The following TEX2 variants were observed in gnomAD, a reference collection of about 807,000 sequenced individuals.
The protein encoded by TEX2 is testis expressed 2.
A neutral mutation model predicts 106.9 loss-of-function variants in TEX2; 53 were observed. The ratio of observed to expected loss-of-function variants is 0.50; its 90% CI spans 0.40 to 0.62. TEX2 has a LOEUF of 0.62. TEX2 is among the 20% of genes least tolerant of loss of function. The probability of loss-of-function intolerance (pLI) is 0.00; values close to 1 mark genes in which losing one functional copy is unlikely to be tolerated. For synonymous variants in TEX2, 523 were observed against 534.8 expected, an observed-to-expected ratio of 0.98 and a Z score of 0.30; for missense variants, 1,207 against 1,379.0, an observed-to-expected ratio of 0.88 and a Z score of 1.98.
At chr17:64,255,144 C>T (rs2034161693) in intron 1 of TEX2, among the ~76,000 whole-genome samples, 1 of 150,184 alleles carries the variant, frequency 6.7e-6, no homozygotes, top group Non-Finnish European at 1.5e-5. Context: ...GGATTGCAGA[C>T]ATAAGCCACA....
At chr17:64,184,452 C>T (rs1009132442) in intron 5 of TEX2, among the ~76,000 whole-genome samples, 2 of 152,130 alleles carry the variant, frequency 1.3e-5, no homozygotes, top group Non-Finnish European at 2.9e-5. Context: ...TGTAAGAGTC[C>T]TTTATACATT....
chr17:64,205,283 C>G lies in TEX2; in HGVS notation c.1644+7291G>C, dbSNP rs2032795267. On this transcript the variant is annotated intron_variant, in intron 2 of 11. Transcript: ENST00000584379. The surrounding 1 kb of genome is among the most constrained non-coding windows in gnomAD (Gnocchi z 4.0). ...AGTGAGCCAAGATTGTGCCACTGCA[C>G]TCTAGCCTGAGCGACAGAGCGAGGC... 6.6e-6 allele frequency among the ~76,000 whole-genome samples: 1 copy of G among 152,168 alleles called. No individual in the cohort carries two copies. Among genetic ancestry groups the G allele is most frequent in the Admixed American group, 6.5e-5 (1 of 15,280 alleles).
chr17:64,245,714 C>T (rs1555636203), intron 1 of TEX2, among the ~76,000 whole-genome samples: 1 of 152,104 alleles, frequency 6.6e-6, no homozygotes. Context: ...TTGGAATATA[C>T]TGCATATTTT....
intron 1 of TEX2, among the ~76,000 whole-genome samples, chr17:64,247,839 T>G (rs2034019411): frequency 6.6e-6 from 1 of 152,140 alleles, no homozygotes; most frequent in African/African-American, 2.4e-5. Context: ...ATCCTCAAGA[T>G]TTTGCACTTG....
intron 1 of TEX2, 99 bp downstream of exon 1, chr17:64,263,069 C>G (rs1217462255): frequency 6.6e-6 from 1 of 152,304 alleles, no homozygotes; most frequent in Non-Finnish European, 1.5e-5. Flanking sequence ...CCGGACCCGA[C>G]CGGTACTTTG....
intron 1 of TEX2, among the ~76,000 whole-genome samples, chr17:64,253,502 G>C (rs2143495552): frequency 6.6e-6 from 1 of 152,128 alleles, no homozygotes; most frequent in East Asian, 1.9e-4. Flanking sequence ...AGACTGCTGA[G>C]AGGTGAAGAG....
intron 2 of TEX2, among the ~76,000 whole-genome samples, chr17:64,206,979 T>C (rs2032855445): frequency 6.6e-6 from 1 of 152,220 alleles, no homozygotes; most frequent in Non-Finnish European, 1.5e-5. Context: ...GATTAGCTAC[T>C]ACTTGGCTGC....
At chr17:64,199,479 C>G (rs1206488241) in intron 2 of TEX2, among the ~76,000 whole-genome samples, 2 of 152,164 alleles carry the variant, frequency 1.3e-5, no homozygotes, top group African/African-American at 4.8e-5. Flanking sequence ...TCAAGTGATC[C>G]ACCCACCTTG....
chr17:64,235,116 T>G (rs1416612946), intron 1 of TEX2, among the ~76,000 whole-genome samples: 1 of 152,216 alleles, frequency 6.6e-6, no homozygotes, highest in African/African-American at 2.4e-5. Flanking sequence ...CTGCCAGCCC[T>G]CTAGCTAATC....
intron 1 of TEX2, among the ~76,000 whole-genome samples, chr17:64,262,855 C>G (rs1038134705): frequency 2.0e-5 from 3 of 152,218 alleles, no homozygotes; most frequent in African/African-American, 7.2e-5. Flanking sequence ...CTAGTTTGCG[C>G]GTGACGGTGC....
chr17:64,244,931 C>A (rs1294309165), intron 1 of TEX2, among the ~76,000 whole-genome samples: 2 of 152,150 alleles, frequency 1.3e-5, no homozygotes, highest in Non-Finnish European at 2.9e-5. Flanking sequence ...CCTTGTTACT[C>A]TGAAAATCTC....
intron 1 of TEX2, among the ~76,000 whole-genome samples, chr17:64,253,072 T>C (rs1417402720): frequency 6.6e-6 from 1 of 152,156 alleles, no homozygotes; most frequent in Non-Finnish European, 1.5e-5. Flanking sequence ...GTTCGGAATG[T>C]AGATTTTATC....
intron 4 of TEX2, among the ~76,000 whole-genome samples, chr17:64,189,702 C>G (rs117618779): frequency 0.016 from 2,428 of 152,262 alleles, 52 homozygotes; most frequent in South Asian, 0.1. Context: ...TCAAACCAGG[C>G]TGGGCGCGGT....
At position 64,188,184 on chromosome 17, in the gene TEX2, G is replaced by T. The variant is rs1288618778; in HGVS notation, c.2408C>A (p.Pro803His). ...CAGCTTTACCTTCTTCCCAGCTGTG[G>T]GGCTGCTCTCCGCACTCTGCAGGGG... is the stretch of plus-strand genomic sequence containing the variant. ...RSPLQSAESS[P>H]TAGKKLPEVP... The change falls in exon 5 of 12, where the codon CCC becomes CAC. Residue 803 changes from proline to histidine, a missense_variant. Around this residue, in one of 3 missense-constraint regions of TEX2, gnomAD observed 1,067 missense variants for 1,193.6 expected, o/e 0.89. Transcript: ENST00000584379. 6.2e-7 allele frequency: 1 copy of T among 1,609,210 alleles called. No homozygotes were observed. Among genetic ancestry groups the T allele is most frequent in the South Asian group, 1.1e-5 (1 of 91,006 alleles).
chr17:64,226,706 G>C (rs2033513936), intron 1 of TEX2, among the ~76,000 whole-genome samples: 1 of 152,122 alleles, frequency 6.6e-6, no homozygotes, highest in South Asian at 2.1e-4. Flanking sequence ...TTCTCTCAAT[G>C]ATTAAAACAT....
intron 2 of TEX2, among the ~76,000 whole-genome samples, chr17:64,197,821 C>T (rs1321134922): frequency 1.3e-5 from 2 of 152,172 alleles, no homozygotes. Context: ...ACCTTGGCCT[C>T]CCAAAGTGCT....
At chr17:64,198,074 G>C (rs898539882) in intron 2 of TEX2, among the ~76,000 whole-genome samples, 3 of 152,030 alleles carry the variant, frequency 2.0e-5, no homozygotes, top group African/African-American at 7.2e-5. Context: ...GGTTTTTAGT[G>C]TAATTTCATA....
In TEX2 at chr17:64,150,865, C is replaced by A. The variant is rs2030315873; in HGVS notation, c.3237G>T (p.Glu1079Asp). ...VTLVHVTDWI[E>D]KKLEQEFQKV... ...CCTGAAACTCTTGCTCCAGTTTCTT[C>A]TCTATCCAGTCTGTCACATGAACTA... Residue 1079 changes from glutamate to aspartate, a missense_variant, in exon 11 of 12, where the codon GAG becomes GAT. Coordinates refer to ENST00000584379, the MANE Select transcript of TEX2 (RefSeq NM_001288732.2). 1 of 1,613,524 alleles carries A rather than the reference C, an allele frequency of 6.2e-7. No homozygotes were observed. Among genetic ancestry groups the A allele is most frequent in the Non-Finnish European group, 8.5e-7 (1 of 1,179,786 alleles).
chr17:64,200,667 TCCTA>T, intron 2 of TEX2, among the ~76,000 whole-genome samples: 1 of 152,278 alleles, frequency 6.6e-6, no homozygotes, highest in Non-Finnish European at 1.5e-5. Context: ...GAGTTTCAAG[TCCTA>T]CCTACACAGT....
Sources: gnomAD v4.1 joint callset for allele counts (sites outside exome capture counted in the v4.1 genomes callset) on GRCh38, gnomAD v4.1.1 for gene constraint, gnomAD v4.1.1 regional missense constraint, Gnocchi (gnomAD v3.1) non-coding constraint, MANE v1.5 for transcripts, NCBI Gene and HGNC (gene_info 2026-07-23, HGNC 2026-07-21) for gene names.